Variants in ZNF254 observed in about 807,000 individuals in gnomAD.
ZNF254 encodes CTD-2017D11.1.
In ZNF254, 10 loss-of-function variants were observed where a neutral mutation model predicts 12.4. The ratio of observed to expected loss-of-function variants is 0.80; its 90% confidence interval spans 0.50 to 1.36. The LOEUF is 1.36. ZNF254 is among the 40% of genes most tolerant of loss of function. The pLI, the probability that ZNF254 is intolerant of heterozygous loss-of-function variation, is 0.00. For synonymous variants in ZNF254, 305 were observed against 253.4 expected (o/e 1.20, Z -1.93); for missense variants, 996 against 763.9 (o/e 1.30, Z -3.58).
chr19:24,070,488 A>T (rs369289800), intron 2 of ZNF254, among the ~76,000 whole-genome samples: 2 of 152,322 alleles, frequency 1.3e-5, no homozygotes, highest in South Asian at 4.1e-4. Flanking sequence ...TCAGACCAAG[A>T]TTCAGTGCAC....
In ZNF254 at chr19:24,127,908, C is replaced by A. The variant is rs755977915; in HGVS notation, c.1908C>A (p.Gly636=). 4 of 1,611,352 alleles carry A rather than the reference C, an allele frequency of 2.5e-6. No homozygotes were observed. The highest frequency in any genetic ancestry group is 3.4e-6 in the Non-Finnish European group (4 of 1,178,942). Residue 636 remains glycine (G), a synonymous_variant, in exon 4 of 4, where the codon GGC becomes GGA. Transcript: ENST00000357002. ...AACCCTACAAATGGGAAAAATTTGG[C>A]AAAGCCTTTAATCGGTCCTCGCACC... The part of the protein sequence containing the change: ...GEQPYKWEKF[G]KAFNRSSHLT...
chr19:24,081,605 A>C (rs775114156), intron 2 of ZNF254, among the ~76,000 whole-genome samples: 11 of 152,194 alleles, frequency 7.2e-5, no homozygotes, highest in Non-Finnish European at 1.2e-4. Context: ...CCTGTGAACT[A>C]TATGCCTGGA....
At chr19:24,034,357 C>T (rs1338397447) in intron 1 of ZNF254, among the ~76,000 whole-genome samples, 2 of 152,088 alleles carry the variant, frequency 1.3e-5, no homozygotes, top group African/African-American at 4.8e-5. Flanking sequence ...AAAATCTATA[C>T]ATCCACAGGC....
At chr19:24,113,535 CAAAAT>C (rs1973837788) in intron 3 of ZNF254, among the ~76,000 whole-genome samples, 1 of 152,086 alleles carries the variant, frequency 6.6e-6, no homozygotes, top group East Asian at 1.9e-4. Context: ...TGACGTATCT[CAAAAT>C]AATAAGAGCT....
In ZNF254 at chr19:24,052,373, A is replaced by AT. The variant is rs533519336; in HGVS notation, c.-94+6095dup. Among the ~76,000 whole-genome samples, 13 of 152,310 alleles carry AT rather than the reference A, an allele frequency of 8.5e-5. 1 individual carries two copies. The South Asian group carries it at 2.7e-3, about 32-fold the overall frequency. ...TCTGGCATATTTTGGGTATAGTGACATACCATTGAGTTCAACACCCATGAA... is the reference window on the plus strand; with the variant it reads ...TCTGGCATATTTTGGGTATAGTGACATTACCATTGAGTTCAACACCCATGAA... On this transcript the variant is annotated intron_variant, in intron 2 of 4. Coordinates refer to the ZNF254 transcript ENST00000613065.
At chr19:24,070,969 T>G (rs1971459008) in intron 2 of ZNF254, among the ~76,000 whole-genome samples, 1 of 152,166 alleles carries the variant, frequency 6.6e-6, no homozygotes, top group South Asian at 2.1e-4. Context: ...ATATCCTGAC[T>G]ACAGGGGCCA....
chr19:24,097,128 A>AT (rs948246281), intron 1 of ZNF254, among the ~76,000 whole-genome samples: 30 of 151,832 alleles, frequency 2.0e-4, no homozygotes, highest in Non-Finnish European at 3.7e-4. Flanking sequence ...AACTTTTGTC[A>AT]TTTTTTTTGA....
At chr19:24,055,039 A>T (rs1970787282) in intron 2 of ZNF254, among the ~76,000 whole-genome samples, 1 of 151,072 alleles carries the variant, frequency 6.6e-6, no homozygotes, top group Non-Finnish European at 1.5e-5. Flanking sequence ...CATCTCTACT[A>T]AAAAATACAA....
rs1421205328 is a variant in ZNF254, at chr19:24,087,211, A to T, written c.-97A>T. The T allele has an allele frequency of 1.3e-6, 2 of 1,540,600 alleles. No individual in the cohort carries two copies. Among genetic ancestry groups the T allele is most frequent in the Admixed American group, 1.7e-5 (1 of 58,602 alleles). ...GGCCTTTGTCTCTCGCTGTCGCCGGAGTCCCAGGTCTGTCTTCACTGCTCT... is the reference window on the plus strand; with the variant it reads ...GGCCTTTGTCTCTCGCTGTCGCCGGTGTCCCAGGTCTGTCTTCACTGCTCT... On this transcript the variant is annotated 5_prime_UTR_variant, in exon 1 of 4. Transcript: ENST00000357002.
At chr19:24,034,700 C>G (rs1969899891) in intron 1 of ZNF254, among the ~76,000 whole-genome samples, 1 of 151,690 alleles carries the variant, frequency 6.6e-6, no homozygotes, top group South Asian at 2.1e-4. Flanking sequence ...TGTTCTCCAA[C>G]TCTGGACAAG....
chr19:24,111,346 G>C (rs988106124), intron 3 of ZNF254, among the ~76,000 whole-genome samples: 100 of 152,036 alleles, frequency 6.6e-4, no homozygotes, highest in East Asian at 1.4e-3. Context: ...TTAATCCAGT[G>C]TATCATTGTT....
intron 2 of ZNF254, among the ~76,000 whole-genome samples, chr19:24,052,334 T>C (rs931268950): frequency 3.9e-5 from 6 of 152,224 alleles, no homozygotes; most frequent in Non-Finnish European, 7.3e-5. Flanking sequence ...TGTGATTCTT[T>C]TATTTTTCCT....
At chr19:24,114,566 A>G (rs1216519725) in intron 3 of ZNF254, among the ~76,000 whole-genome samples, 1 of 121,152 alleles carries the variant, frequency 8.3e-6, no homozygotes, top group East Asian at 2.2e-4. Context: ...ACCTAAAACC[A>G]TAAAAACCCT....
chr19:24,094,331 G>C (rs1460181785), intron 1 of ZNF254, among the ~76,000 whole-genome samples: 3 of 151,798 alleles, frequency 2.0e-5, no homozygotes, highest in Admixed American at 1.3e-4. Flanking sequence ...GGCAGTCTTG[G>C]CTCACCGCAA....
rs568597267 is a variant in ZNF254 at position 24,037,053 on chromosome 19, G to A, written c.-190+3432G>A. On this transcript the variant is annotated intron_variant, in intron 1 of 4. Coordinates refer to the ZNF254 transcript ENST00000613065. ...GTCTCTCTATCACCCTGGGCTTGTG[G>A]ACTACCAATCATAATCTCATCCACC... is the stretch of plus-strand genomic sequence containing the variant. 3.4e-4 allele frequency among the ~76,000 whole-genome samples: 52 copies of A among 152,274 alleles called. 1 individual carries two copies. In the Middle Eastern group the frequency reaches 0.031, roughly 90 times the overall value.
chr19:24,127,351 AAACATAAGAGAATTCATACTAGAGAG>A lies in ZNF254; in HGVS notation c.1354_1379del (p.His452ThrfsTer5). 3 of 1,613,562 alleles carry A rather than the reference AAACATAAGAGAATTCATACTAGAGAG, an allele frequency of 1.9e-6. No homozygotes were observed. The highest frequency in any genetic ancestry group is 2.5e-6 in the Non-Finnish European group (3 of 1,179,772). ...ATTTATCTGGTCCTCAACCCTTACT[AAACATAAGAGAATTCATACTAGAGAG>A]AAACCCTACAAATGTGAAGAATGTG... On this transcript the variant is annotated frameshift_variant, in exon 4 of 4. Coordinates refer to ENST00000357002, the MANE Select transcript of ZNF254 (RefSeq NM_203282.4). LOFTEE classifies it low-confidence loss of function (END_TRUNC).
At chr19:24,099,706 A>T (rs1157871244) in intron 1 of ZNF254, among the ~76,000 whole-genome samples, 1 of 152,168 alleles carries the variant, frequency 6.6e-6, no homozygotes, top group African/African-American at 2.4e-5. Context: ...TTTAGGATGA[A>T]CTATGGCATG....
chr19:24,092,171 CT>C (rs753116371), intron 1 of ZNF254, among the ~76,000 whole-genome samples: 525 of 139,980 alleles, frequency 3.8e-3, no homozygotes, highest in Non-Finnish European at 3.9e-3. Context: ...TGTGCCTGGC[CT>C]TTTTTTTTTT....
chr19:24,083,424 A>T (rs1971919045), upstream of ZNF254, among the ~76,000 whole-genome samples: 2 of 152,180 alleles, frequency 1.3e-5, no homozygotes, highest in African/African-American at 4.8e-5. Context: ...ATTCCTATGA[A>T]AATAACATCA....
Sources: gnomAD v4.1 joint callset for allele counts (sites outside exome capture counted in the v4.1 genomes callset) on GRCh38, gnomAD v4.1.1 for gene constraint, MANE v1.5 for transcripts, NCBI Gene and HGNC (gene_info 2026-07-23, HGNC 2026-07-21) for gene names.